NELFA: variants seen among roughly 807,000 people sequenced by gnomAD.
NELFA encodes negative elongation factor A.
Under a neutral mutation model 51.8 loss-of-function variants are expected in NELFA, and 35 were observed. The observed-to-expected ratio is 0.68, with a 90% confidence interval of 0.52 to 0.90. NELFA has a LOEUF of 0.90. Ranked by LOEUF, NELFA falls within the 40% of genes least tolerant of loss-of-function variation. NELFA has a pLI of 0.00. For missense variants in NELFA, 658 were observed against 746.4 expected, an observed-to-expected ratio of 0.88 and a Z score of 1.38; for synonymous variants, 417 against 338.4, an observed-to-expected ratio of 1.23 and a Z score of -2.55.
chr4:1,998,812 C>T (rs536863044), intron 1 of NELFA, among the ~76,000 whole-genome samples: 1 of 152,230 alleles, frequency 6.6e-6, no homozygotes, highest in African/African-American at 2.4e-5. Context: ...CTAAGACACT[C>T]CATGAGAAGA....
At chr4:2,001,106 A>G (rs1312623950) in intron 1 of NELFA, among the ~76,000 whole-genome samples, 1 of 152,264 alleles carries the variant, frequency 6.6e-6, no homozygotes, top group Non-Finnish European at 1.5e-5. Flanking sequence ...CTGCATGTTA[A>G]AAACTCTCAA....
intron 1 of NELFA, among the ~76,000 whole-genome samples, chr4:1,998,097 C>CAAA (rs1305720681): frequency 7.4e-6 from 1 of 134,614 alleles, no homozygotes; most frequent in Non-Finnish European, 1.6e-5. Context: ...ACAACAGCAT[C>CAAA]AACAACAACA....
At chr4:1,985,112 G>A (rs1477839948) in intron 7 of NELFA, among the ~76,000 whole-genome samples, 193 bp from the exon 8 acceptor site, 2 of 152,174 alleles carry the variant, frequency 1.3e-5, no homozygotes, top group Non-Finnish European at 2.9e-5. Flanking sequence ...AGCAGAGTTG[G>A]GGACTGAGCC....
chr4:1,984,763 TGGCAGGCAGCTTGGCTGGTTCCA>T, intron 8 of NELFA, 22 bp downstream of exon 8: 3 of 1,440,784 alleles, frequency 2.1e-6, no homozygotes, highest in Non-Finnish European at 2.9e-6. Flanking sequence ...GGTCATGTCC[TGGCAGGCAGCTTGGCTGGTTCCA>T]GGCTGGGGCC....
At chr4:1,994,624 G>C (rs1728372522) in intron 1 of NELFA, among the ~76,000 whole-genome samples, 1 of 151,672 alleles carries the variant, frequency 6.6e-6, no homozygotes, top group East Asian at 1.9e-4. Flanking sequence ...GGGAGGCTGA[G>C]GTGGGCGGAT....
intron 1 of NELFA, among the ~76,000 whole-genome samples, chr4:2,006,215 A>G (rs1728705966): frequency 1.3e-5 from 2 of 152,226 alleles, no homozygotes. Flanking sequence ...AGATCAATGG[A>G]AAAGGACAGT....
Position 1,984,065 on chromosome 4 carries a change from G to T in NELFA, c.1085C>A (p.Pro362Gln). ...ASRPPEEPSA[P>Q]SPTLPAQFKQ... is the part of the protein sequence containing the mutation. ...GAACTGCGCTGGCAACGTGGGGCTCGGGGCGCTGGGCTCCTCTGGTGGGCG... is the reference window on the plus strand; with the variant it reads ...GAACTGCGCTGGCAACGTGGGGCTCTGGGCGCTGGGCTCCTCTGGTGGGCG... Residue 362 changes from proline (P) to glutamine (Q), a missense_variant, in exon 9 of 11, where the codon CCG becomes CAG. Around this residue, in one of 3 missense-constraint regions of NELFA, gnomAD observed 200 missense variants for 167.9 expected, o/e 1.19. Coordinates refer to ENST00000382882, the MANE Select transcript of NELFA (RefSeq NM_005663.5). 1 of 1,598,456 alleles carries T rather than the reference G, an allele frequency of 6.3e-7. No homozygotes were observed. Among genetic ancestry groups the T allele is most frequent in the Non-Finnish European group, 8.5e-7 (1 of 1,176,734 alleles).
chr4:1,992,003 C>T (rs1728284817), intron 1 of NELFA: 1 of 346,054 alleles, frequency 2.9e-6, no homozygotes, highest in Non-Finnish European at 5.3e-6. Context: ...TACTCTTCCA[C>T]CGGTGCGCAG....
At chr4:1,997,572 C>A (rs192630865) in intron 1 of NELFA, among the ~76,000 whole-genome samples, 15 of 152,202 alleles carry the variant, frequency 9.9e-5, no homozygotes, top group African/African-American at 3.6e-4. Flanking sequence ...TGTGCTCACA[C>A]CCACTAGGAT....
At position 1,984,834 on chromosome 4, in the gene NELFA, TAGG is replaced by T; in HGVS notation, c.1007_1009del (p.Ser336del). The T allele has an allele frequency of 6.4e-7, 1 of 1,570,204 alleles. No homozygotes were observed. Among genetic ancestry groups the T allele is most frequent in the Non-Finnish European group, 8.6e-7 (1 of 1,156,966 alleles). On this transcript the variant is annotated inframe_deletion, in exon 8 of 11. Transcript: ENST00000382882. ...TGGGGGCGTCTCGGAGCTGGGGATG[TAGG>T]AGGAGGCGGGAACCACGCTGGGCGT... is the stretch of plus-strand genomic sequence containing the variant.
At chr4:1,988,378 A>G (rs1728175162) in intron 3 of NELFA, among the ~76,000 whole-genome samples, 1 of 152,394 alleles carries the variant, frequency 6.6e-6, no homozygotes, top group Middle Eastern at 3.4e-3. Flanking sequence ...TCTAGATACA[A>G]AAATATGAGG....
chr4:1,997,348 T>A (rs1375000139), intron 1 of NELFA, among the ~76,000 whole-genome samples: 1 of 152,204 alleles, frequency 6.6e-6, no homozygotes, highest in Non-Finnish European at 1.5e-5. Flanking sequence ...ACAGTCTGGG[T>A]AAGTAAAACT....
chr4:1,991,242 G>A (rs1350973058), intron 2 of NELFA, among the ~76,000 whole-genome samples: 1 of 152,190 alleles, frequency 6.6e-6, no homozygotes, highest in Non-Finnish European at 1.5e-5. Flanking sequence ...CCACCTGAAT[G>A]GGCAGAGCCC....
chr4:2,004,727 A>T (rs955524029), intron 1 of NELFA, among the ~76,000 whole-genome samples: 3 of 149,364 alleles, frequency 2.0e-5, no homozygotes, highest in Non-Finnish European at 4.4e-5. Context: ...GGTTCAAGCA[A>T]TCCGCCCATC....
chr4:1,991,813 T>C (rs1056224958), intron 1 of NELFA, 98 bp from the exon 2 acceptor site: 62 of 1,297,136 alleles, frequency 4.8e-5, no homozygotes, highest in Non-Finnish European at 6.5e-5. Context: ...GTGGCCGGGC[T>C]CTCTGGCAGT....
chr4:1,985,947 T>G, intron 6 of NELFA, 83 bp from the exon 7 acceptor site: 1 of 1,378,508 alleles, frequency 7.3e-7, no homozygotes. Context: ...ATCAAACAGC[T>G]TCCCAGGGGA....
At position 1,991,875 on chromosome 4, in the gene NELFA, C is replaced by T. The variant is rs1356365134; in HGVS notation, c.211-160G>A. 3 of 688,830 alleles carry T rather than the reference C, an allele frequency of 4.4e-6. No homozygotes were observed. In the Admixed American group the frequency reaches 9.4e-5, roughly 22 times the overall value. The allele number at this position is 688,830 out of a possible 1,614,324, so 42.7% of individuals were successfully genotyped here. On this transcript the variant is annotated intron_variant, in intron 1 of 10. Coordinates refer to ENST00000382882, the MANE Select transcript of NELFA (RefSeq NM_005663.5). ...TCCCCTTCCTCTGAGCCCCCCGCCT[C>T]ACCCCAGGGCCACCTTGCTTCCCTG... is the stretch of plus-strand genomic sequence containing the variant.
intron 1 of NELFA, chr4:1,992,188 T>TG (rs1426306962): frequency 4.7e-6 from 1 of 211,786 alleles, no homozygotes; most frequent in Non-Finnish European, 9.6e-6. Context: ...CAGCAGGGGG[T>TG]GGGGCCTGGG....
chr4:1,984,043 C>T lies in NELFA; in HGVS notation c.1107G>A (p.Gln369=), dbSNP rs1728000478. 6 of 1,605,996 alleles carry T rather than the reference C, an allele frequency of 3.7e-6. No individual in the cohort carries two copies. The South Asian group carries it at 4.4e-5, about 12-fold the overall frequency. The part of the protein sequence containing the change: ...PSAPSPTLPA[Q]FKQRAPMYNS... ...TGTACATGGGCGCCCGCTGCTTGAACTGCGCTGGCAACGTGGGGCTCGGGG... is the reference window on the plus strand; with the variant it reads ...TGTACATGGGCGCCCGCTGCTTGAATTGCGCTGGCAACGTGGGGCTCGGGG... The change falls in exon 9 of 11, where the codon CAG becomes CAA. Residue 369 remains glutamine (Q), a synonymous_variant. Coordinates refer to ENST00000382882, the MANE Select transcript of NELFA (RefSeq NM_005663.5).
Sources: gnomAD v4.1 joint callset for allele counts (sites outside exome capture counted in the v4.1 genomes callset) on GRCh38, gnomAD v4.1.1 for gene constraint, gnomAD v4.1.1 regional missense constraint, MANE v1.5 for transcripts, NCBI Gene and HGNC (gene_info 2026-07-23, HGNC 2026-07-21) for gene names.